The following HDAC9 variants were observed in gnomAD, a reference collection of about 807,000 sequenced individuals.
The protein encoded by HDAC9 is MEF-2 interacting transcription repressor (MITR) protein.
HDAC9 carries 41 observed loss-of-function variants against 139.4 expected under a neutral mutation model. The observed-to-expected ratio is 0.29, with a 90% CI of 0.23 to 0.38. The LOEUF (loss-of-function observed/expected upper bound fraction) is 0.38. Ranked by LOEUF, HDAC9 falls within the 10% of genes least tolerant of loss-of-function variation. The pLI, the probability that HDAC9 is intolerant of heterozygous loss-of-function variation, is 1.00. For synonymous variants in HDAC9, 517 were observed against 476.2 expected, an observed-to-expected ratio of 1.09 and a Z score of -1.12; for missense variants, 1,147 against 1,297.0, an observed-to-expected ratio of 0.88 and a Z score of 1.78.
intron 25 of HDAC9, among the ~76,000 whole-genome samples, chr7:18,992,743 T>C (rs1585514869): frequency 6.6e-6 from 1 of 152,352 alleles, no homozygotes. Flanking sequence ...TTATGGCTGT[T>C]GGAGTGAATT....
At chr7:18,977,746 A>T (rs1249103342) in intron 25 of HDAC9, among the ~76,000 whole-genome samples, 2 of 152,108 alleles carry the variant, frequency 1.3e-5, no homozygotes, top group African/African-American at 4.8e-5. Context: ...TAGACAGATT[A>T]TATCTATTGT....
chr7:18,748,638 C>T (rs370991200), intron 13 of HDAC9, among the ~76,000 whole-genome samples: 2 of 152,088 alleles, frequency 1.3e-5, no homozygotes, highest in Non-Finnish European at 2.9e-5. Context: ...AAATTAAAAC[C>T]TCTACTGAAT....
In HDAC9 at chr7:18,762,096, G is replaced by T. The variant is rs551938574; in HGVS notation, c.2044-61G>T. On this transcript the variant is annotated intron_variant, in intron 14 of 25. Transcript: ENST00000686413. ...TTAATCATCTTAAATGTGACTTGGGGTCTCATTTTCTTCTAAATGTTGTCA... is the reference window on the plus strand; with the variant it reads ...TTAATCATCTTAAATGTGACTTGGGTTCTCATTTTCTTCTAAATGTTGTCA... 453 of 1,584,810 alleles carry T rather than the reference G, an allele frequency of 2.9e-4. 3 individuals carry two copies. The Middle Eastern group carries it at 4.0e-3, about 14-fold the overall frequency.
At chr7:18,988,318 G>C (rs542395224) in intron 25 of HDAC9, among the ~76,000 whole-genome samples, 4 of 151,930 alleles carry the variant, frequency 2.6e-5, no homozygotes, top group African/African-American at 9.7e-5. Flanking sequence ...ATTTCGTTAT[G>C]TACCCAGTAG....
chr7:18,702,040 A>G (rs1783531210), intron 12 of HDAC9, among the ~76,000 whole-genome samples: 2 of 152,198 alleles, frequency 1.3e-5, no homozygotes. Flanking sequence ...AGCTACTAAC[A>G]GCAGTTGAAC....
intron 2 of HDAC9, among the ~76,000 whole-genome samples, chr7:18,207,257 T>C (rs1349956397): frequency 6.6e-6 from 1 of 152,026 alleles, no homozygotes; most frequent in Non-Finnish European, 1.5e-5. Context: ...AAATATCTTA[T>C]AAGAACATGT....
intron 1 of HDAC9, among the ~76,000 whole-genome samples, chr7:18,464,771 G>A (rs1004014314): frequency 2.6e-5 from 4 of 151,924 alleles, no homozygotes; most frequent in Admixed American, 6.6e-5. Flanking sequence ...TAACACCTTG[G>A]AGTCTCAATC....
At chr7:18,150,256 A>G (rs929203396) in intron 1 of HDAC9, among the ~76,000 whole-genome samples, 3 of 152,070 alleles carry the variant, frequency 2.0e-5, no homozygotes, top group Non-Finnish European at 2.9e-5. Flanking sequence ...ATGTAGCAAC[A>G]AAACAGTCTG....
chr7:18,387,776 A>G (rs1016527863), intron 1 of HDAC9, among the ~76,000 whole-genome samples: 1 of 152,180 alleles, frequency 6.6e-6, no homozygotes, highest in South Asian at 2.1e-4. Flanking sequence ...TCATTTCTTG[A>G]TATTTTTTAT....
chr7:18,936,695 A>G (rs1229083317), intron 23 of HDAC9, among the ~76,000 whole-genome samples: 1 of 152,212 alleles, frequency 6.6e-6, no homozygotes, highest in African/African-American at 2.4e-5. Flanking sequence ...AGTAGTGTTA[A>G]GACTATCATA....
intron 25 of HDAC9, among the ~76,000 whole-genome samples, chr7:18,987,813 G>A (rs1486468933): frequency 6.6e-6 from 1 of 152,072 alleles, no homozygotes; most frequent in Non-Finnish European, 1.5e-5. Flanking sequence ...TATGTGTCCA[G>A]GAATTTATCC....
intron 2 of HDAC9, among the ~76,000 whole-genome samples, chr7:18,173,754 G>C (rs557635720): frequency 6.6e-6 from 1 of 152,174 alleles, no homozygotes; most frequent in East Asian, 1.9e-4. Context: ...TTTTCTTTAA[G>C]AATGTTGAAT....
At chr7:18,312,530 G>T (rs527327745) in intron 1 of HDAC9, among the ~76,000 whole-genome samples, 1 of 152,108 alleles carries the variant, frequency 6.6e-6, no homozygotes, top group Admixed American at 6.6e-5. Context: ...TAATTTAACA[G>T]ATCCTCTGTT....
chr7:18,241,348 T>C (rs565307547), intron 2 of HDAC9, among the ~76,000 whole-genome samples: 24 of 152,360 alleles, frequency 1.6e-4, no homozygotes, highest in Middle Eastern at 3.4e-3. Flanking sequence ...AGTTGGTTTA[T>C]AGCCTTCCTT....
At chr7:18,924,526 C>G (rs185981039) in intron 22 of HDAC9, among the ~76,000 whole-genome samples, 1 of 152,030 alleles carries the variant, frequency 6.6e-6, no homozygotes, top group African/African-American at 2.4e-5. Flanking sequence ...AATTAAAAAC[C>G]CTGGTCATTT....
At chr7:18,127,875 TAAACA>T (rs1784768231) in intron 1 of HDAC9, among the ~76,000 whole-genome samples, 1 of 151,852 alleles carries the variant, frequency 6.6e-6, no homozygotes, top group African/African-American at 2.4e-5. Context: ...TCTTGTATAC[TAAACA>T]AATTTTGAAG....
chr7:18,664,708 T>C (rs1162289956), intron 11 of HDAC9, among the ~76,000 whole-genome samples: 1 of 152,130 alleles, frequency 6.6e-6, no homozygotes, highest in African/African-American at 2.4e-5. Context: ...ATATAACACT[T>C]CCTCAGCTTA....
intron 22 of HDAC9, among the ~76,000 whole-genome samples, chr7:18,901,183 C>G (rs1233480101): frequency 1.3e-5 from 2 of 149,468 alleles, no homozygotes; most frequent in African/African-American, 4.9e-5. Context: ...CTCTCTTTCT[C>G]TCTCTGTATA....
intron 21 of HDAC9, among the ~76,000 whole-genome samples, chr7:18,872,417 C>T (rs1429727086): frequency 6.6e-6 from 1 of 151,956 alleles, no homozygotes; most frequent in Non-Finnish European, 1.5e-5. Context: ...CTATAGTTCC[C>T]CTGTAAGTGG....
Sources: allele counts gnomAD v4.1 joint callset (sites outside exome capture counted in the v4.1 genomes callset), GRCh38; gene constraint gnomAD v4.1.1; transcripts MANE v1.5; gene names NCBI Gene and HGNC (gene_info 2026-07-23, HGNC 2026-07-21).